LPIN1: variants seen among roughly 807,000 people sequenced by gnomAD.
The protein encoded by LPIN1 is phosphatidate phosphatase LPIN1.
A neutral mutation model predicts 107.5 loss-of-function variants in LPIN1; 71 were observed. The ratio of observed to expected loss-of-function variants is 0.66; its 90% CI spans 0.55 to 0.80. The LOEUF (loss-of-function observed/expected upper bound fraction) is 0.80, where lower values mean the gene tolerates loss of function less well. Ranked by LOEUF, LPIN1 falls within the 30% of genes least tolerant of loss-of-function variation. LPIN1 has a pLI of 0.00. For missense variants in LPIN1, 1,043 were observed against 1,160.6 expected, an observed-to-expected ratio of 0.90 and a Z score of 1.47; for synonymous variants, 445 against 452.6, an observed-to-expected ratio of 0.98 and a Z score of 0.21.
rs973818217 is a variant in LPIN1 at position 11,803,260 on chromosome 2, C to T, written c.2013+227C>T. Among the ~76,000 whole-genome samples, 1 of 152,130 alleles carries T rather than the reference C, an allele frequency of 6.6e-6. No individual in the cohort carries two copies. The highest frequency in any genetic ancestry group is 1.5e-5 in the Non-Finnish European group (1 of 68,026). ...TGTCTTCTCCTTTTGCTGGCCTGGC[C>T]CTGGAGGATCTAGTTTACTAGAGTT... is the stretch of plus-strand genomic sequence containing the variant. On this transcript the variant is annotated intron_variant, in intron 15 of 20. Transcript: ENST00000674199. This position sits in a 1 kb window ranked among gnomAD's most constrained non-coding sequence, Gnocchi z 4.2.
chr2:11,804,371 A>C (rs1678281958), intron 15 of LPIN1, 52 bp from the exon 16 acceptor site: 4 of 1,606,162 alleles, frequency 2.5e-6, no homozygotes, highest in South Asian at 1.1e-5. Flanking sequence ...AATGCCCATC[A>C]ATCAGGGCCT....
At chr2:11,727,303 C>T (rs1363204182) in intron 1 of LPIN1, among the ~76,000 whole-genome samples, 3 of 152,210 alleles carry the variant, frequency 2.0e-5, no homozygotes, top group Non-Finnish European at 2.9e-5. Flanking sequence ...TTATTACTTA[C>T]ATCAGTATGG....
chr2:11,750,521 T>G (rs1667630992), intron 1 of LPIN1, among the ~76,000 whole-genome samples: 1 of 152,230 alleles, frequency 6.6e-6, no homozygotes, highest in African/African-American at 2.4e-5. Flanking sequence ...GCAAGAGACG[T>G]TATTCAAAGA....
chr2:11,767,095 A>G (rs1048266529), intron 2 of LPIN1, among the ~76,000 whole-genome samples: 1 of 152,196 alleles, frequency 6.6e-6, no homozygotes, highest in Non-Finnish European at 1.5e-5. Flanking sequence ...TGATGTGGCT[A>G]GTTTTAGAAG....
chr2:11,739,116 A>G (rs1352101204), intron 1 of LPIN1, among the ~76,000 whole-genome samples: 2 of 152,124 alleles, frequency 1.3e-5, no homozygotes, highest in Non-Finnish European at 2.9e-5. Flanking sequence ...GGGTGTAGAA[A>G]GCCTTGTGGC....
At chr2:11,767,355 GGCT>G (rs1671083743) in intron 2 of LPIN1, 3 of 244,214 alleles carry the variant, frequency 1.2e-5, no homozygotes, top group Non-Finnish European at 2.4e-5. Flanking sequence ...TGTGACCCTG[GGCT>G]GGTTACTCCT....
At chr2:11,757,091 T>C (rs1668795806) in intron 1 of LPIN1, among the ~76,000 whole-genome samples, 1 of 152,170 alleles carries the variant, frequency 6.6e-6, no homozygotes, top group African/African-American at 2.4e-5. Context: ...AAGTGGTAAA[T>C]AAAATCCCGT....
At chr2:11,680,223 C>G (rs1214407881) in intron 1 of LPIN1, among the ~76,000 whole-genome samples, 3 of 152,012 alleles carry the variant, frequency 2.0e-5, no homozygotes, top group African/African-American at 7.2e-5. Flanking sequence ...GTAAAAGTGG[C>G]TCAGCCACCA....
At chr2:11,694,331 C>T (rs1182593086) in intron 1 of LPIN1, among the ~76,000 whole-genome samples, 1 of 152,190 alleles carries the variant, frequency 6.6e-6, no homozygotes, top group Non-Finnish European at 1.5e-5. Flanking sequence ...CTGAGAGGCT[C>T]ATGCAAGGAT....
intron 3 of LPIN1, among the ~76,000 whole-genome samples, chr2:11,769,847 T>A (rs1396984155): frequency 6.6e-6 from 1 of 152,166 alleles, no homozygotes; most frequent in Non-Finnish European, 1.5e-5. Context: ...CAGCTATGAT[T>A]AAAAAGGAAC....
intron 20 of LPIN1, among the ~76,000 whole-genome samples, 191 bp downstream of exon 20, chr2:11,820,705 C>A (rs1681364857): frequency 6.6e-6 from 1 of 152,200 alleles, no homozygotes; most frequent in Non-Finnish European, 1.5e-5. Flanking sequence ...GGAATTAAAT[C>A]AGATCCCTTC....
At chr2:11,811,816 C>G (rs1679697582) in intron 17 of LPIN1, among the ~76,000 whole-genome samples, 1 of 152,154 alleles carries the variant, frequency 6.6e-6, no homozygotes, top group Non-Finnish European at 1.5e-5. Context: ...GAAACCCTGT[C>G]TCTACTAAAA....
chr2:11,722,084 G>A (rs957689322), upstream of LPIN1: 1 of 152,210 alleles, frequency 6.6e-6, no homozygotes, highest in African/African-American at 2.4e-5. Flanking sequence ...ATGGCTGGAT[G>A]GAGCATTGAA....
At chr2:11,695,889 C>G (rs1662548164) in intron 1 of LPIN1, among the ~76,000 whole-genome samples, 1 of 151,952 alleles carries the variant, frequency 6.6e-6, no homozygotes, top group South Asian at 2.1e-4. Flanking sequence ...AGTATCCTCC[C>G]ATAGATTTTT....
At chr2:11,759,752 G>T (rs1162282684) in intron 1 of LPIN1, among the ~76,000 whole-genome samples, 10 of 151,838 alleles carry the variant, frequency 6.6e-5, no homozygotes, top group Non-Finnish European at 2.9e-5. Flanking sequence ...TCCCAGAAGG[G>T]GCGGCTGGGC....
intron 9 of LPIN1, 143 bp from the exon 10 acceptor site, chr2:11,784,743 G>T: frequency 1.3e-6 from 1 of 797,830 alleles, no homozygotes. Flanking sequence ...TCCTTGTCGT[G>T]GTGCTTTAAT....
intron 2 of LPIN1, among the ~76,000 whole-genome samples, chr2:11,717,697 G>GTTT (rs554187260): frequency 6.8e-6 from 1 of 146,874 alleles, no homozygotes; most frequent in African/African-American, 2.5e-5. Context: ...CAGGTGACAG[G>GTTT]TTTTTTTTTT....
Position 11,765,463 on chromosome 2 carries a change from GTTCA to G in LPIN1, c.-9-67_-9-64del, listed in dbSNP as rs1220041228. On this transcript the variant is annotated intron_variant, in intron 1 of 20. Transcript: ENST00000674199. This position sits in a 1 kb window ranked among gnomAD's most constrained non-coding sequence, Gnocchi z 4.4. ...ATCCACGTTTTTGAAATGGTGAGGA[GTTCA>G]TTTTGATTGGCTCTTCCTTGGATTA... is the stretch of plus-strand genomic sequence containing the variant. 1.4e-6 allele frequency: 2 copies of G among 1,441,422 alleles called. No individual in the cohort carries two copies. The highest frequency in any genetic ancestry group is 2.8e-5 in the African/African-American group (2 of 71,036). 89.3% of individuals were successfully genotyped at this position (1,441,422 alleles called of 1,614,324 possible). A position where few individuals can be genotyped will look rare whatever the true frequency, so the allele number is the denominator to read the frequency against.
chr2:11,804,693 T>C (rs943369905), intron 16 of LPIN1, 122 bp downstream of exon 16: 1 of 1,018,956 alleles, frequency 9.8e-7, no homozygotes, highest in Non-Finnish European at 1.5e-6. Flanking sequence ...TCTGGTGCAG[T>C]TGGAGCTCCT....
Sources: allele counts gnomAD v4.1 joint callset (sites outside exome capture counted in the v4.1 genomes callset), GRCh38; gene constraint gnomAD v4.1.1; non-coding constraint Gnocchi (gnomAD v3.1); transcripts MANE v1.5; gene names NCBI Gene and HGNC (gene_info 2026-07-23, HGNC 2026-07-21).